Variants in TERB2 observed in about 807,000 individuals in gnomAD.
TERB2 encodes telomere repeats-binding bouquet formation protein 2.
Under a neutral mutation model 29.8 loss-of-function variants are expected in TERB2, and 26 were observed. The ratio of observed to expected loss-of-function variants is 0.87; its 90% confidence interval spans 0.64 to 1.21. The LOEUF (loss-of-function observed/expected upper bound fraction) is 1.21, where lower values mean the gene tolerates loss of function less well. Ranked by LOEUF, TERB2 falls within the 50% of genes most tolerant of loss-of-function variation. The pLI is 0.00. For missense variants in TERB2, 240 were observed against 268.6 expected, an observed-to-expected ratio of 0.89 and a Z score of 0.74; for synonymous variants, 80 against 90.8, an observed-to-expected ratio of 0.88 and a Z score of 0.68.
chr15:44,957,397 T>C (rs1891734215), intron 2 of TERB2, among the ~76,000 whole-genome samples: 1 of 152,122 alleles, frequency 6.6e-6, no homozygotes, highest in African/African-American at 2.4e-5. Flanking sequence ...CTCGGGCCTC[T>C]TCCTGAATTC....
At chr15:44,959,389 G>A (rs1282825795) in intron 3 of TERB2, among the ~76,000 whole-genome samples, 1 of 151,912 alleles carries the variant, frequency 6.6e-6, no homozygotes, top group African/African-American at 2.4e-5. Flanking sequence ...ATTATTTTGA[G>A]ATGGAGTCTT....
At chr15:44,968,700 G>T (rs964749496) in intron 5 of TERB2, among the ~76,000 whole-genome samples, 4 of 146,318 alleles carry the variant, frequency 2.7e-5, no homozygotes, top group African/African-American at 1.0e-4. Context: ...GCTGAAGTGA[G>T]AGATCCTCCC....
intron 6 of TERB2, among the ~76,000 whole-genome samples, chr15:44,974,445 T>C (rs1329277271): frequency 4.6e-5 from 7 of 152,146 alleles, no homozygotes; most frequent in Non-Finnish European, 7.4e-5. Flanking sequence ...ACTTTGCATA[T>C]AATTGTAAAA....
At chr15:44,969,632 T>TA (rs372158706) in intron 5 of TERB2, among the ~76,000 whole-genome samples, 2,393 of 143,042 alleles carry the variant, frequency 0.017, 24 homozygotes, top group Middle Eastern at 0.043. Flanking sequence ...CTACAAAAGA[T>TA]AAAAAAAAAA....
At chr15:44,968,828 C>T (rs1891926725) in intron 5 of TERB2, among the ~76,000 whole-genome samples, 1 of 151,908 alleles carries the variant, frequency 6.6e-6, no homozygotes, top group Non-Finnish European at 1.5e-5. Flanking sequence ...TCTTGCTCTA[C>T]TTTTTTGATA....
intron 4 of TERB2, among the ~76,000 whole-genome samples, chr15:44,964,835 G>C (rs1218515003): frequency 5.3e-5 from 8 of 152,034 alleles, no homozygotes; most frequent in Admixed American, 2.0e-4. Context: ...CAATTGTTTG[G>C]AGTGGATTTA....
chr15:44,970,965 A>G (rs1406926646), intron 5 of TERB2: 1 of 163,296 alleles, frequency 6.1e-6, no homozygotes, highest in Non-Finnish European at 1.3e-5. Context: ...TTGAGCTCCT[A>G]TAAGCTTTTC....
intron 4 of TERB2, among the ~76,000 whole-genome samples, chr15:44,962,287 T>C (rs1367678048): frequency 2.0e-5 from 3 of 151,514 alleles, no homozygotes; most frequent in Non-Finnish European, 4.4e-5. Context: ...GTTCACGCCA[T>C]TCTCCTGCCT....
In TERB2 at chr15:44,956,764, G is replaced by A; in HGVS notation, c.46G>A (p.Asp16Asn). The stretch of plus-strand genomic sequence containing the variant: ...TTGGTTTTGCGGCAGCGTTAGCCAG[G>A]ATCTGAGGCAATTCTGGGGTAGGAA... ...RGWFCGSVSQ[D>N]LRQFWVAEGG... is the part of the protein sequence containing the mutation. The change falls in exon 1 of 7, where the codon GAT becomes AAT. Residue 16 changes from aspartate (D) to asparagine (N), a missense_variant. By Grantham distance (23) the Asp-to-Asn change is conservative. Coordinates refer to ENST00000340827, the MANE Select transcript of TERB2 (RefSeq NM_152448.3). 3.1e-6 allele frequency: 5 copies of A among 1,613,878 alleles called. No individual in the cohort carries two copies. The highest frequency in any genetic ancestry group is 4.2e-6 in the Non-Finnish European group (5 of 1,179,900).
At chr15:44,959,793 A>T (rs750512362) in intron 3 of TERB2, among the ~76,000 whole-genome samples, 1 of 152,204 alleles carries the variant, frequency 6.6e-6, no homozygotes, top group Non-Finnish European at 1.5e-5. Context: ...GTTATCATAC[A>T]TATCGTAGAT....
chr15:44,970,080 T>C (rs780438824), intron 5 of TERB2: 6 of 152,764 alleles, frequency 3.9e-5, no homozygotes, highest in Non-Finnish European at 7.3e-5. Context: ...AATGCAGTAG[T>C]GGCACATTGG....
In TERB2 at chr15:44,978,494, A is replaced by C; in HGVS notation, c.529A>C (p.Ile177Leu). Residue 177 changes from isoleucine to leucine, a missense_variant, in exon 7 of 7, where the codon ATA becomes CTA. By Grantham distance (5) the Ile-to-Leu change is conservative (BLOSUM62 2). Coordinates refer to ENST00000340827, the MANE Select transcript of TERB2 (RefSeq NM_152448.3). ...YPVNNMVTGY[I>L]SIDAMKKFLG... The stretch of plus-strand genomic sequence containing the variant: ...TTTTAAATTTTATTTTGTAGGTTAT[A>C]TATCAATTGATGCCATGAAGAAATT... The C allele has an allele frequency of 6.2e-7, 1 of 1,600,346 alleles. No homozygotes were observed. The highest frequency in any genetic ancestry group is 8.5e-7 in the Non-Finnish European group (1 of 1,173,922).
intron 4 of TERB2, among the ~76,000 whole-genome samples, chr15:44,965,405 T>C (rs1307033088): frequency 6.9e-6 from 1 of 145,384 alleles, no homozygotes; most frequent in Non-Finnish European, 1.5e-5. Context: ...TTTCTTTATA[T>C]TTTTGAGTTA....
At chr15:44,969,742 T>G (rs1891941519) in intron 5 of TERB2, among the ~76,000 whole-genome samples, 1 of 151,070 alleles carries the variant, frequency 6.6e-6, no homozygotes, top group African/African-American at 2.5e-5. Context: ...TGCAGTGAGC[T>G]ATCTATGGTC....
intron 6 of TERB2, among the ~76,000 whole-genome samples, chr15:44,976,516 A>G (rs1245229018): frequency 6.6e-6 from 1 of 152,216 alleles, no homozygotes; most frequent in African/African-American, 2.4e-5. Context: ...AGCACGCCCA[A>G]GAAAAAAAGC....
At position 44,978,569 on chromosome 15, in the gene TERB2, T is replaced by C; in HGVS notation, c.604T>C (p.Tyr202His). 1 of 1,609,746 alleles carries C rather than the reference T, an allele frequency of 6.2e-7. No homozygotes were observed. Among genetic ancestry groups the C allele is most frequent in the East Asian group, 2.2e-5 (1 of 44,736 alleles). Residue 202 changes from tyrosine to histidine, a missense_variant, in exon 7 of 7, where the codon TAT becomes CAT. By Grantham distance (83) the Tyr-to-His change is moderately conservative. Coordinates refer to ENST00000340827, the MANE Select transcript of TERB2 (RefSeq NM_152448.3). ...FIPGTSGYLA[Y>H]HVQNEINMSA... ...TCCTGGAACCTCAGGATATTTGGCATATCATGTTCAAAATGAAATTAATAT... is the reference window on the plus strand; with the variant it reads ...TCCTGGAACCTCAGGATATTTGGCACATCATGTTCAAAATGAAATTAATAT...
chr15:44,976,975 C>G (rs538588303), intron 6 of TERB2, among the ~76,000 whole-genome samples: 7 of 152,124 alleles, frequency 4.6e-5, no homozygotes, highest in African/African-American at 1.7e-4. Flanking sequence ...GAAAAGAAAG[C>G]CAACTTGCCT....
In TERB2 at chr15:44,965,737, T is replaced by C. The variant is rs1464864666; in HGVS notation, c.349-421T>C. 5.3e-5 allele frequency among the ~76,000 whole-genome samples: 8 copies of C among 151,138 alleles called. No homozygotes were observed. In the East Asian group the frequency reaches 1.5e-3, roughly 29 times the overall value. On this transcript the variant is annotated intron_variant, in intron 4 of 6. Transcript: ENST00000340827. ...TTCAGCTTACTTTATATTTTTGATT[T>C]GTAGCTCACAGGAATCCCTAAGTCA... is the stretch of plus-strand genomic sequence containing the variant.
At chr15:44,964,936 C>T (rs1385735334) in intron 4 of TERB2, among the ~76,000 whole-genome samples, 1 of 151,570 alleles carries the variant, frequency 6.6e-6, no homozygotes, top group Non-Finnish European at 1.5e-5. Context: ...CTGGGGCGGG[C>T]CGATTGCCTG....
Sources: gnomAD v4.1 joint callset for allele counts (sites outside exome capture counted in the v4.1 genomes callset) on GRCh38, gnomAD v4.1.1 for gene constraint, MANE v1.5 for transcripts, NCBI Gene and HGNC (gene_info 2026-07-23, HGNC 2026-07-21) for gene names.